Variants in NELL1 observed in about 807,000 individuals in gnomAD.
NELL1 encodes protein kinase C-binding protein NELL1.
In NELL1, 76 loss-of-function variants were observed where a neutral mutation model predicts 107.4. That is an observed-to-expected ratio of 0.71 (90% confidence interval 0.59 to 0.86). The LOEUF (loss-of-function observed/expected upper bound fraction) is 0.86, where lower values mean the gene tolerates loss of function less well. Ranked by LOEUF, NELL1 falls within the 40% of genes least tolerant of loss-of-function variation. NELL1 has a pLI of 0.00. For synonymous variants in NELL1, 353 were observed against 341.2 expected, an observed-to-expected ratio of 1.03 and a Z score of -0.38; for missense variants, 1,024 against 1,005.5, an observed-to-expected ratio of 1.02 and a Z score of -0.25.
At chr11:20,689,581 C>T (rs1854403082) in intron 2 of NELL1, among the ~76,000 whole-genome samples, 1 of 149,534 alleles carries the variant, frequency 6.7e-6, no homozygotes, top group African/African-American at 2.5e-5. Context: ...TGATGATTTC[C>T]AATTGCATTC....
At chr11:20,922,176 C>G (rs1850394090) in intron 7 of NELL1, among the ~76,000 whole-genome samples, 1 of 152,074 alleles carries the variant, frequency 6.6e-6, no homozygotes, top group African/African-American at 2.4e-5. Context: ...TTTTCCCCAA[C>G]TCTGTCCCCC....
chr11:20,730,240 C>T (rs67544199), intron 2 of NELL1, among the ~76,000 whole-genome samples: 18,243 of 152,078 alleles, frequency 0.12, 1,201 homozygotes, highest in Non-Finnish European at 0.15. Flanking sequence ...GTTAAATTAG[C>T]AGCTAACAGT....
At chr11:20,927,565 G>A in intron 8 of NELL1, 123 bp downstream of exon 8, 7 of 854,424 alleles carry the variant, frequency 8.2e-6, no homozygotes, top group Non-Finnish European at 1.0e-5. Context: ...TTTTTACCTA[G>A]CACCCACTAG....
intron 15 of NELL1, among the ~76,000 whole-genome samples, chr11:21,441,114 T>A (rs1359887562): frequency 1.3e-5 from 2 of 152,144 alleles, no homozygotes; most frequent in African/African-American, 2.4e-5. Context: ...TCTCAACTAC[T>A]GGGATCATTT....
intron 13 of NELL1, among the ~76,000 whole-genome samples, chr11:21,181,778 C>A (rs1856831711): frequency 6.6e-6 from 1 of 151,706 alleles, no homozygotes; most frequent in African/African-American, 2.4e-5. Context: ...AACCTTAAAT[C>A]TTCATTTAAT....
chr11:21,249,398 T>C (rs1452283464), intron 14 of NELL1, among the ~76,000 whole-genome samples: 1 of 152,120 alleles, frequency 6.6e-6, no homozygotes, highest in Non-Finnish European at 1.5e-5. Context: ...AAGAAGGTTT[T>C]TTTTTCTTAT....
intron 3 of NELL1, among the ~76,000 whole-genome samples, chr11:20,804,967 G>A (rs1857351905): frequency 6.6e-6 from 1 of 152,074 alleles, no homozygotes; most frequent in African/African-American, 2.4e-5. Context: ...CCAGTGTTGG[G>A]TGCATGTATA....
chr11:20,918,030 A>G, intron 5 of NELL1, 152 bp from the exon 6 acceptor site: 1 of 595,100 alleles, frequency 1.7e-6, no homozygotes, highest in South Asian at 2.1e-5. Flanking sequence ...GATGCTTTAG[A>G]GTAGTTCAGT....
chr11:21,198,165 A>G (rs1037015000), intron 13 of NELL1, among the ~76,000 whole-genome samples: 6 of 152,184 alleles, frequency 3.9e-5, no homozygotes, highest in African/African-American at 1.4e-4. Flanking sequence ...GGGGCTATCA[A>G]CTAGAGCACT....
intron 15 of NELL1, among the ~76,000 whole-genome samples, chr11:21,487,827 G>A (rs1471294171): frequency 6.6e-6 from 1 of 151,912 alleles, no homozygotes; most frequent in African/African-American, 2.4e-5. Flanking sequence ...AAAATAAAAG[G>A]ATCAAAAAAG....
At chr11:21,324,759 A>G (rs771761558) in intron 14 of NELL1, among the ~76,000 whole-genome samples, 1 of 152,116 alleles carries the variant, frequency 6.6e-6, no homozygotes, top group Non-Finnish European at 1.5e-5. Context: ...TTCTCTCTTC[A>G]TTCCACAAGT....
intron 15 of NELL1, among the ~76,000 whole-genome samples, chr11:21,480,859 T>C (rs889499466): frequency 3.0e-4 from 46 of 152,286 alleles, no homozygotes; most frequent in African/African-American, 1.1e-3. Flanking sequence ...AGTGGGGTGG[T>C]CTGAATGGTT....
intron 15 of NELL1, among the ~76,000 whole-genome samples, chr11:21,410,009 AAAT>A (rs1438478848): frequency 6.6e-6 from 1 of 152,076 alleles, no homozygotes; most frequent in Non-Finnish European, 1.5e-5. Flanking sequence ...TTTATGTTAA[AAAT>A]AATTTTCACA....
chr11:20,875,319 T>C (rs1469315929), intron 4 of NELL1, among the ~76,000 whole-genome samples: 1 of 152,216 alleles, frequency 6.6e-6, no homozygotes, highest in Non-Finnish European at 1.5e-5. Context: ...TTCCTGCCTA[T>C]TAATATCTCT....
At chr11:21,278,680 A>G (rs1047057737) in intron 14 of NELL1, among the ~76,000 whole-genome samples, 1 of 152,126 alleles carries the variant, frequency 6.6e-6, no homozygotes, top group Non-Finnish European at 1.5e-5. Context: ...GGATAGGAAG[A>G]CTCAATATTG....
At chr11:21,312,731 T>G (rs1409964601) in intron 14 of NELL1, among the ~76,000 whole-genome samples, 2 of 152,130 alleles carry the variant, frequency 1.3e-5, no homozygotes, top group Admixed American at 1.3e-4. Flanking sequence ...TACACATACC[T>G]TTGCATGCAA....
intron 12 of NELL1, among the ~76,000 whole-genome samples, chr11:21,081,034 C>T (rs1365819760): frequency 6.6e-6 from 1 of 152,024 alleles, no homozygotes; most frequent in Non-Finnish European, 1.5e-5. Flanking sequence ...CCTTTCAAGT[C>T]ATTTTCTTAG....
At chr11:20,948,595 T>A (rs552542070) in intron 11 of NELL1, among the ~76,000 whole-genome samples, 123 of 152,020 alleles carry the variant, frequency 8.1e-4, no homozygotes, top group Non-Finnish European at 1.3e-3. Flanking sequence ...TAACTGTATT[T>A]TTGTACCCAT....
intron 13 of NELL1, among the ~76,000 whole-genome samples, chr11:21,172,016 A>T (rs2133813447): frequency 6.6e-6 from 1 of 151,962 alleles, no homozygotes; most frequent in East Asian, 1.9e-4. Flanking sequence ...TGTACTTATG[A>T]TTATCTGGTT....
Sources: gnomAD v4.1 joint callset for allele counts (sites outside exome capture counted in the v4.1 genomes callset) on GRCh38, gnomAD v4.1.1 for gene constraint, MANE v1.5 for transcripts, NCBI Gene and HGNC (gene_info 2026-07-23, HGNC 2026-07-21) for gene names.